Variants in SMAD3 observed in about 807,000 individuals in gnomAD.
The protein encoded by SMAD3 is MAD homolog 3.
A neutral mutation model predicts 51.8 loss-of-function variants in SMAD3; 12 were observed. That is an observed-to-expected ratio of 0.23 (90% CI 0.15 to 0.38). SMAD3 has a LOEUF of 0.38. Among genes scored for constraint, SMAD3 ranks in the 10% least tolerant of loss-of-function variants. The probability of loss-of-function intolerance (pLI) is 1.00; values close to 1 mark genes in which losing one functional copy is unlikely to be tolerated. For missense variants in SMAD3, 294 were observed against 565.6 expected (o/e 0.52, Z 4.87); for synonymous variants, 238 against 227.7 (o/e 1.05, Z -0.41).
intron 1 of SMAD3, among the ~76,000 whole-genome samples, chr15:67,121,239 A>G (rs1961254769): frequency 6.6e-6 from 1 of 152,112 alleles, no homozygotes; most frequent in African/African-American, 2.4e-5. Flanking sequence ...GGGGATTTCC[A>G]CGCGGCCCCA....
intron 8 of SMAD3, 150 bp from the exon 9 acceptor site, chr15:67,190,261 TTC>T (rs1963325723): frequency 9.9e-6 from 7 of 705,492 alleles, no homozygotes; most frequent in Non-Finnish European, 4.9e-6. Context: ...GCCGGGTAGT[TTC>T]AGCAAGTTAC....
chr15:67,117,674 T>A (rs940587241), intron 1 of SMAD3, among the ~76,000 whole-genome samples: 1 of 152,184 alleles, frequency 6.6e-6, no homozygotes, highest in Non-Finnish European at 1.5e-5. Flanking sequence ...AAACTTTCTT[T>A]ATAGAGAGCT....
chr15:67,149,224 A>T (rs1962060010), intron 1 of SMAD3, among the ~76,000 whole-genome samples: 1 of 152,172 alleles, frequency 6.6e-6, no homozygotes. Context: ...ACATTCAGAT[A>T]CTGTGGCTGC....
chr15:67,096,020 C>T (rs1960607762), intron 1 of SMAD3, among the ~76,000 whole-genome samples: 1 of 152,178 alleles, frequency 6.6e-6, no homozygotes, highest in African/African-American at 2.4e-5. Flanking sequence ...TGTGAGATGT[C>T]ACATCTGCGA....
chr15:67,136,298 G>A (rs980477417), intron 1 of SMAD3, among the ~76,000 whole-genome samples: 5 of 151,550 alleles, frequency 3.3e-5, no homozygotes, highest in African/African-American at 1.2e-4. Context: ...AACCTTTCAT[G>A]TGAGGAAACA....
chr15:67,150,844 A>AG (rs1962117559), intron 1 of SMAD3, among the ~76,000 whole-genome samples: 1 of 15,268 alleles, frequency 6.5e-5, no homozygotes, highest in Non-Finnish European at 1.5e-4. Flanking sequence ...GCTATTTCTC[A>AG]GTCTTTTTTT....
intron 1 of SMAD3, among the ~76,000 whole-genome samples, chr15:67,097,055 T>G (rs769489789): frequency 6.6e-6 from 1 of 152,214 alleles, no homozygotes; most frequent in Non-Finnish European, 1.5e-5. Flanking sequence ...GACTCTTAAC[T>G]CAGGCATGGT....
chr15:67,191,796 G>T lies in SMAD3; in HGVS notation c.*1260G>T, dbSNP rs577556064. The T allele has an allele frequency of 1.3e-5, 3 of 230,524 alleles. No homozygotes were observed. The South Asian group carries it at 5.5e-4, about 42-fold the overall frequency. The allele number at this position is 230,524 out of a possible 1,614,324, so 14.3% of individuals were successfully genotyped here. A position where few individuals can be genotyped will look rare whatever the true frequency, so the allele number is the denominator to read the frequency against. On this transcript the variant is annotated 3_prime_UTR_variant, in exon 9 of 9. Coordinates refer to ENST00000327367, the MANE Select transcript of SMAD3 (RefSeq NM_005902.4). ...AAAATTGCAGGCTTGGTACAAAGAG[G>T]TCTGTCATCTTCCCCCTGGGATATA...
intron 1 of SMAD3, among the ~76,000 whole-genome samples, chr15:67,141,500 T>A (rs1175167724): frequency 2.0e-5 from 3 of 152,048 alleles, no homozygotes; most frequent in Admixed American, 2.0e-4. Context: ...CCAGCAGTAG[T>A]CCCCAGGATG....
At chr15:67,160,375 G>A (rs1962392868) in intron 1 of SMAD3, among the ~76,000 whole-genome samples, 1 of 152,096 alleles carries the variant, frequency 6.6e-6, no homozygotes, top group Non-Finnish European at 1.5e-5. Context: ...GTTTTAATTT[G>A]TGCTTCTCTA....
chr15:67,073,237 A>C (rs975775264), intron 1 of SMAD3, among the ~76,000 whole-genome samples: 3 of 152,220 alleles, frequency 2.0e-5, no homozygotes, highest in African/African-American at 7.2e-5. Flanking sequence ...TAACAGTTTG[A>C]GAAATAAACA....
chr15:67,081,697 C>T (rs943467738), intron 1 of SMAD3, among the ~76,000 whole-genome samples: 16 of 152,026 alleles, frequency 1.1e-4, no homozygotes, highest in African/African-American at 3.1e-4. Flanking sequence ...CAGATATTAC[C>T]GTCTATAAAC....
chr15:67,150,239 A>G (rs1035687437), intron 1 of SMAD3, among the ~76,000 whole-genome samples: 1 of 152,116 alleles, frequency 6.6e-6, no homozygotes, highest in Non-Finnish European at 1.5e-5. Context: ...ACATTGTTTT[A>G]TCTCTCTAGC....
rs747862625 is a variant in SMAD3, at chr15:67,184,733, G to A, written c.878G>A (p.Gly293Asp). 1 of 1,614,060 alleles carries A rather than the reference G, an allele frequency of 6.2e-7. No homozygotes were observed. The highest frequency in any genetic ancestry group is 8.5e-7 in the Non-Finnish European group (1 of 1,180,034). The change falls in exon 7 of 9, where the codon GGC (glycine) becomes GAC (aspartate). Residue 293 changes from glycine to aspartate, a missense_variant. Coordinates refer to ENST00000327367, the MANE Select transcript of SMAD3 (RefSeq NM_005902.4). ...CTAACCTGAATCTCTGTAGGAAGAGGCGTGCGGCTCTACTACATCGGAGGG... is the reference window on the plus strand; with the variant it reads ...CTAACCTGAATCTCTGTAGGAAGAGACGTGCGGCTCTACTACATCGGAGGG... ...VELTRRHIGR[G>D]VRLYYIGGEV...
rs1397813147 is a variant in SMAD3, at chr15:67,192,122, T to C, written c.*1586T>C. 2 of 232,628 alleles carry C rather than the reference T, an allele frequency of 8.6e-6. No homozygotes were observed. Among genetic ancestry groups the C allele is most frequent in the Non-Finnish European group, 1.7e-5 (2 of 117,378 alleles). The allele number at this position is 232,628 out of a possible 1,614,324, so 14.4% of individuals were successfully genotyped here. A position where few individuals can be genotyped will look rare whatever the true frequency, so the allele number is the denominator to read the frequency against. On this transcript the variant is annotated 3_prime_UTR_variant, in exon 9 of 9. Coordinates refer to ENST00000327367, the MANE Select transcript of SMAD3 (RefSeq NM_005902.4). ...ATTTCCTATGGAAGTCCTGCTTTAT[T>C]CCAGGTGAAGGGAAGGAAGTGTATA...
chr15:67,079,231 G>A (rs12594609), intron 1 of SMAD3, among the ~76,000 whole-genome samples: 11,520 of 152,068 alleles, frequency 0.076, 792 homozygotes, highest in Admixed American at 0.23. Flanking sequence ...GCCCGCGTCA[G>A]CCTCCCAAAT....
At position 67,171,414 on chromosome 15, in the gene SMAD3, A is replaced by T. The variant is rs1277776821; in HGVS notation, c.658+810A>T. ...TCTCCAGCTTGGGATAGGCTTTGGC[A>T]TGGAACCTGCCAAAGGGCTTCAAAC... On this transcript the variant is annotated intron_variant, in intron 5 of 8. Coordinates refer to ENST00000327367, the MANE Select transcript of SMAD3 (RefSeq NM_005902.4). 3.9e-5 allele frequency among the ~76,000 whole-genome samples: 6 copies of T among 152,222 alleles called. No individual in the cohort carries two copies. The East Asian group carries it at 9.6e-4, about 24-fold the overall frequency.
chr15:67,071,106 G>C (rs1595884407), intron 1 of SMAD3, among the ~76,000 whole-genome samples: 1 of 152,198 alleles, frequency 6.6e-6, no homozygotes, highest in African/African-American at 2.4e-5. Flanking sequence ...GCTGAGGAAT[G>C]TGCTAAGTGC....
intron 1 of SMAD3, among the ~76,000 whole-genome samples, chr15:67,149,920 C>T (rs1410303516): frequency 6.6e-6 from 1 of 152,202 alleles, no homozygotes; most frequent in Non-Finnish European, 1.5e-5. Flanking sequence ...GGTCCTTAAA[C>T]TAACTTTTTC....
Sources: allele counts gnomAD v4.1 joint callset (sites outside exome capture counted in the v4.1 genomes callset), GRCh38; gene constraint gnomAD v4.1.1; transcripts MANE v1.5; gene names NCBI Gene and HGNC (gene_info 2026-07-23, HGNC 2026-07-21).